Variants in PEBP4 observed in about 807,000 individuals in gnomAD.
PEBP4 encodes phosphatidylethanolamine-binding protein 4.
Under a neutral mutation model 23.9 loss-of-function variants are expected in PEBP4, and 22 were observed. That is an observed-to-expected ratio of 0.92 (90% confidence interval 0.66 to 1.31). The LOEUF (loss-of-function observed/expected upper bound fraction) is 1.31, where lower values mean the gene tolerates loss of function less well. Ranked by LOEUF, PEBP4 falls within the 40% of genes most tolerant of loss-of-function variation. PEBP4 has a pLI of 0.00. For synonymous variants in PEBP4, 112 were observed against 99.3 expected (o/e 1.13, Z -0.76); for missense variants, 324 against 281.7 (o/e 1.15, Z -1.07).
rs1385261131 is a variant in PEBP4 at position 22,898,415 on chromosome 8, A to C, written c.258+21769T>G. Among the ~76,000 whole-genome samples, 62 of 146,270 alleles carry C rather than the reference A, an allele frequency of 4.2e-4. 3 individuals are homozygous for C. Among genetic ancestry groups the C allele is most frequent in the Middle Eastern group, 3.5e-3 (1 of 282 alleles). On this transcript the variant is annotated intron_variant, in intron 3 of 6. Coordinates refer to ENST00000256404, the MANE Select transcript of PEBP4 (RefSeq NM_144962.3). ...CCAAAAAAAAAAAAAAAAAAAAAAAAAAAAAAAAAAAAAAAACCCACCCAG... is the reference window on the plus strand; with the variant it reads ...CCAAAAAAAAAAAAAAAAAAAAAAACAAAAAAAAAAAAAAAACCCACCCAG...
At chr8:22,748,368 C>T (rs900762341) in intron 4 of PEBP4, among the ~76,000 whole-genome samples, 4 of 151,958 alleles carry the variant, frequency 2.6e-5, no homozygotes, top group African/African-American at 7.3e-5. Flanking sequence ...GATACTTTCT[C>T]TTCCTGCCCC....
intron 4 of PEBP4, among the ~76,000 whole-genome samples, chr8:22,768,745 C>T (rs139386505): frequency 2.0e-5 from 3 of 151,758 alleles, no homozygotes; most frequent in African/African-American, 7.3e-5. Flanking sequence ...GGAGTGGGGG[C>T]GGGCTTTTTG....
At chr8:22,746,334 T>C (rs1805116772) in intron 4 of PEBP4, among the ~76,000 whole-genome samples, 1 of 152,150 alleles carries the variant, frequency 6.6e-6, no homozygotes, top group Non-Finnish European at 1.5e-5. Flanking sequence ...TTGGGCACTT[T>C]GGGTCTGGAA....
At chr8:22,794,332 C>T (rs574320215) in intron 4 of PEBP4, among the ~76,000 whole-genome samples, 53 of 152,094 alleles carry the variant, frequency 3.5e-4, no homozygotes, top group African/African-American at 1.3e-3. Flanking sequence ...TGCTCTGCTG[C>T]CCAAGTTGGA....
At chr8:22,790,576 G>A (rs1806118183) in intron 4 of PEBP4, among the ~76,000 whole-genome samples, 1 of 152,154 alleles carries the variant, frequency 6.6e-6, no homozygotes, top group Non-Finnish European at 1.5e-5. Context: ...GGGCTGGTTG[G>A]GATGATGGGA....
intron 4 of PEBP4, among the ~76,000 whole-genome samples, chr8:22,812,802 G>A (rs1806658540): frequency 6.6e-6 from 1 of 152,090 alleles, no homozygotes; most frequent in Admixed American, 6.6e-5. Flanking sequence ...TACAGGCTCT[G>A]CTGCTCCATT....
intron 3 of PEBP4, among the ~76,000 whole-genome samples, chr8:22,894,775 C>T (rs1808559503): frequency 6.6e-6 from 1 of 152,126 alleles, no homozygotes; most frequent in Non-Finnish European, 1.5e-5. Context: ...CTCATCAGGT[C>T]TCTTATGGGA....
chr8:22,756,260 C>T (rs963799943), intron 4 of PEBP4, among the ~76,000 whole-genome samples: 4 of 152,196 alleles, frequency 2.6e-5, no homozygotes, highest in Admixed American at 2.6e-4. Flanking sequence ...TGGAGCAGGA[C>T]TGGGGAGGGC....
intron 4 of PEBP4, among the ~76,000 whole-genome samples, chr8:22,813,316 C>T (rs910407912): frequency 2.6e-5 from 4 of 152,092 alleles, no homozygotes; most frequent in Non-Finnish European, 4.4e-5. Context: ...ATATTCAGGG[C>T]AAATTTTAGA....
At chr8:22,860,177 TATAC>T (rs1478049897) in intron 3 of PEBP4, among the ~76,000 whole-genome samples, 1 of 92,974 alleles carries the variant, frequency 1.1e-5, no homozygotes, top group Non-Finnish European at 2.2e-5. Context: ...TGTATATATA[TATAC>T]ACATATATAT....
At chr8:22,920,145 C>T (rs749231254) in intron 3 of PEBP4, 39 bp downstream of exon 3, 15 of 1,590,984 alleles carry the variant, frequency 9.4e-6, no homozygotes, top group East Asian at 2.3e-5. Context: ...TCAAGACCCC[C>T]AACTGTCCCC....
chr8:22,752,612 C>T (rs191719252), intron 4 of PEBP4, among the ~76,000 whole-genome samples: 4 of 152,320 alleles, frequency 2.6e-5, no homozygotes, highest in Non-Finnish European at 4.4e-5. Context: ...TACAATCAGT[C>T]ATCGTGGAAG....
intron 4 of PEBP4, among the ~76,000 whole-genome samples, chr8:22,800,177 T>C (rs769062019): frequency 6.6e-6 from 1 of 152,090 alleles, no homozygotes; most frequent in Non-Finnish European, 1.5e-5. Flanking sequence ...TTCTTTATTG[T>C]AGTCTGACCT....
intron 4 of PEBP4, among the ~76,000 whole-genome samples, chr8:22,795,418 G>A (rs759393716): frequency 1.5e-4 from 23 of 151,620 alleles, no homozygotes; most frequent in Non-Finnish European, 2.8e-4. Context: ...CTTGTGATCC[G>A]CCTGCCTTGG....
chr8:22,913,062 T>C (rs2128779278), intron 3 of PEBP4, among the ~76,000 whole-genome samples: 1 of 152,346 alleles, frequency 6.6e-6, no homozygotes, highest in Non-Finnish European at 1.5e-5. Context: ...TCTTCTGTCC[T>C]TCAGACTACA....
intron 6 of PEBP4, among the ~76,000 whole-genome samples, chr8:22,720,938 G>A (rs1162266705): frequency 6.6e-6 from 1 of 152,232 alleles, no homozygotes; most frequent in Non-Finnish European, 1.5e-5. Flanking sequence ...CTGAGCGAAT[G>A]CAGAAGGCAT....
Position 22,920,143 on chromosome 8 carries a change from C to T in PEBP4, c.258+41G>A, listed in dbSNP as rs374350949. 181 of 1,588,894 alleles carry T rather than the reference C, an allele frequency of 1.1e-4. No homozygotes were observed. The African/African-American group carries it at 2.1e-3, about 18-fold the overall frequency. On this transcript the variant is annotated intron_variant, in intron 3 of 6. Coordinates refer to ENST00000256404, the MANE Select transcript of PEBP4 (RefSeq NM_144962.3). ...GCAAGCCTGGAGGAACATCAAGACC[C>T]CCAACTGTCCCCCCGCTTTAACACA...
intron 4 of PEBP4, among the ~76,000 whole-genome samples, chr8:22,744,100 T>C (rs1459209171): frequency 6.6e-6 from 1 of 152,244 alleles, no homozygotes; most frequent in Non-Finnish European, 1.5e-5. Flanking sequence ...AAGTTGTTCT[T>C]TGAATTCTGC....
upstream of PEBP4, among the ~76,000 whole-genome samples, chr8:22,930,540 GAC>G (rs954531787): frequency 4.6e-5 from 7 of 152,148 alleles, no homozygotes; most frequent in African/African-American, 1.7e-4. Context: ...TTAAGTGCAT[GAC>G]ACACGCCACT....
Sources: gnomAD v4.1 joint callset for allele counts (sites outside exome capture counted in the v4.1 genomes callset) on GRCh38, gnomAD v4.1.1 for gene constraint, MANE v1.5 for transcripts, NCBI Gene and HGNC (gene_info 2026-07-23, HGNC 2026-07-21) for gene names.